PROSER2: variants seen among roughly 807,000 people sequenced by gnomAD.
The protein encoded by PROSER2 is proline and serine-rich protein 2.
A neutral mutation model predicts 14.6 loss-of-function variants in PROSER2; 18 were observed. The ratio of observed to expected loss-of-function variants is 1.23; its 90% confidence interval spans 0.85 to 1.83. The LOEUF (loss-of-function observed/expected upper bound fraction) is 1.83. Ranked by LOEUF, PROSER2 falls within the 40% of genes most tolerant of loss-of-function variation. The probability of loss-of-function intolerance (pLI) is 0.00; values close to 1 mark genes in which losing one functional copy is unlikely to be tolerated. For missense variants in PROSER2, 823 were observed against 629.8 expected (o/e 1.31, Z -3.28); for synonymous variants, 367 against 286.4 (o/e 1.28, Z -2.84).
chr10:11,859,983 C>A (rs74116470), intron 2 of PROSER2, among the ~76,000 whole-genome samples: 1,934 of 152,320 alleles, frequency 0.013, 30 homozygotes, highest in African/African-American at 0.044. Context: ...CCGAGGGCCA[C>A]AAGCCTCTTT....
chr10:11,842,375 GA>G (rs1744106418), intron 1 of PROSER2, among the ~76,000 whole-genome samples: 1 of 150,722 alleles, frequency 6.6e-6, no homozygotes, highest in South Asian at 2.1e-4. Flanking sequence ...CTTTTGGAAT[GA>G]TTTTTTTTTT....
chr10:11,843,290 C>T (rs988725099), intron 1 of PROSER2, among the ~76,000 whole-genome samples: 2 of 151,142 alleles, frequency 1.3e-5, no homozygotes, highest in African/African-American at 4.9e-5. Context: ...CAGTGGCACA[C>T]ACCTGTAATC....
At chr10:11,840,138 A>G (rs1246197091) in intron 1 of PROSER2, among the ~76,000 whole-genome samples, 1 of 151,664 alleles carries the variant, frequency 6.6e-6, no homozygotes, top group Non-Finnish European at 1.5e-5. Flanking sequence ...TTTTTAGTAG[A>G]AATGGGGTTT....
chr10:11,844,425 C>T (rs1475735490), intron 1 of PROSER2, among the ~76,000 whole-genome samples: 1 of 152,194 alleles, frequency 6.6e-6, no homozygotes, highest in Non-Finnish European at 1.5e-5. Context: ...ACCCCTCACG[C>T]CCAACAATTG....
rs1354992323 is a variant in PROSER2, at chr10:11,869,725, A to G, written c.627A>G (p.Glu209=). The change falls in exon 4 of 4, where the codon GAA becomes GAG. Residue 209 remains glutamate, a synonymous_variant. Transcript: ENST00000277570. This position sits in a 1 kb window ranked among gnomAD's most constrained non-coding sequence, Gnocchi z 4.4. The part of the protein sequence containing the change: ...QKISERMAGN[E]ALSPTSPFRE... ...TTTCCGAGAGGATGGCGGGGAACGAAGCCCTCTCGCCCACCTCCCCGTTCA... is the reference window on the plus strand; with the variant it reads ...TTTCCGAGAGGATGGCGGGGAACGAGGCCCTCTCGCCCACCTCCCCGTTCA... 6.3e-7 allele frequency: 1 copy of G among 1,591,720 alleles called. No individual in the cohort carries two copies. Among genetic ancestry groups the G allele is most frequent in the Non-Finnish European group, 8.5e-7 (1 of 1,170,238 alleles).
chr10:11,852,855 C>T (rs920796750), intron 2 of PROSER2, among the ~76,000 whole-genome samples: 6 of 150,484 alleles, frequency 4.0e-5, no homozygotes, highest in African/African-American at 7.3e-5. Context: ...CGTGAGCCAC[C>T]GCGCCCGGCC....
At position 11,862,378 on chromosome 10, in the gene PROSER2, G is replaced by T. The variant is rs78183804; in HGVS notation, c.139-4153G>T. Among the ~76,000 whole-genome samples the T allele has an allele frequency of 1.8e-3, 268 of 152,296 alleles. No homozygotes were observed. Among genetic ancestry groups the T allele is most frequent in the Non-Finnish European group, 3.1e-3 (210 of 68,020 alleles). On this transcript the variant is annotated intron_variant, in intron 2 of 3. Coordinates refer to ENST00000277570, the MANE Select transcript of PROSER2 (RefSeq NM_153256.4). This position sits in a 1 kb window ranked among gnomAD's most constrained non-coding sequence, Gnocchi z 4.2. ...GACTTTAAGAACTCCAACAAAACTG[G>T]AGGACTCTGCCAGATATCAAGACTT...
intron 1 of PROSER2, among the ~76,000 whole-genome samples, chr10:11,829,443 G>GT (rs1273896074): frequency 6.6e-6 from 1 of 151,790 alleles, no homozygotes; most frequent in East Asian, 1.9e-4. Flanking sequence ...AATTAGCCAG[G>GT]TGTGGTAGTG....
At chr10:11,828,658 A>G (rs1833648290) in intron 1 of PROSER2, among the ~76,000 whole-genome samples, 1 of 152,166 alleles carries the variant, frequency 6.6e-6, no homozygotes, top group South Asian at 2.1e-4. Context: ...AGCCGAGATC[A>G]CGCCACTACA....
intron 1 of PROSER2, among the ~76,000 whole-genome samples, chr10:11,847,403 TTTG>T (rs1484223020): frequency 6.6e-6 from 1 of 151,402 alleles, no homozygotes; most frequent in Non-Finnish European, 1.5e-5. Flanking sequence ...CTTATTCTGT[TTTG>T]TTGTTTTGTT....
chr10:11,839,554 C>T (rs554195157), intron 1 of PROSER2, among the ~76,000 whole-genome samples: 3 of 150,300 alleles, frequency 2.0e-5, no homozygotes, highest in Non-Finnish European at 3.0e-5. Flanking sequence ...TGGCTGGGCG[C>T]GGTGGCTCAC....
chr10:11,835,812 T>A (rs1004724899), intron 1 of PROSER2, among the ~76,000 whole-genome samples: 1 of 152,118 alleles, frequency 6.6e-6, no homozygotes, highest in African/African-American at 2.4e-5. Context: ...GCCACTAGCA[T>A]TAGGGCCAAC....
chr10:11,833,448 T>C (rs1833715828), intron 1 of PROSER2, among the ~76,000 whole-genome samples: 1 of 151,766 alleles, frequency 6.6e-6, no homozygotes, highest in Admixed American at 6.6e-5. Context: ...CCCAGCACTT[T>C]GGGAGGCCAA....
intron 3 of PROSER2, among the ~76,000 whole-genome samples, chr10:11,868,683 C>G (rs1352799586): frequency 6.6e-6 from 1 of 152,156 alleles, no homozygotes; most frequent in Admixed American, 6.5e-5. Context: ...CAGAGTCTCA[C>G]TGTGTCACTC....
Position 11,869,639 on chromosome 10 carries a change from C to T in PROSER2, c.541C>T (p.Pro181Ser), listed in dbSNP as rs773276980. The change falls in exon 4 of 4, where the codon CCG becomes TCG. Residue 181 changes from proline to serine, a missense_variant. By Grantham distance (74) the Pro-to-Ser change is moderately conservative. Transcript: ENST00000277570. The surrounding 1 kb of genome is among the most constrained non-coding windows in gnomAD (Gnocchi z 4.4). ...GAGGGAGCTGCGCGCCCCCTCCCCG[C>T]CGGTGGAGCACCCCAGACTCCTGCG... is the stretch of plus-strand genomic sequence containing the variant. ...PRRELRAPSP[P>S]VEHPRLLRSV... 2 of 1,598,712 alleles carry T rather than the reference C, an allele frequency of 1.3e-6. No individual in the cohort carries two copies. The highest frequency in any genetic ancestry group is 2.3e-5 in the East Asian group (1 of 43,922).
rs532770172 is a variant in PROSER2 at position 11,844,423 on chromosome 10, C to T, written c.-81-7574C>T. Among the ~76,000 whole-genome samples the T allele has an allele frequency of 1.6e-4, 24 of 152,338 alleles. No individual in the cohort carries two copies. The South Asian group carries it at 1.7e-3, about 11-fold the overall frequency. On this transcript the variant is annotated intron_variant, in intron 1 of 3. Transcript: ENST00000277570. The stretch of plus-strand genomic sequence containing the variant: ...GTCCTCAACTCACTTCTACCCCTCA[C>T]GCCCAACAATTGTTCTTGACTTGTA...
rs143438941 is a variant in PROSER2 at position 11,864,089 on chromosome 10, G to A, written c.139-2442G>A. Among the ~76,000 whole-genome samples the A allele has an allele frequency of 4.3e-4, 66 of 152,306 alleles. 1 individual carries two copies. Among genetic ancestry groups the A allele is most frequent in the Non-Finnish European group, 7.9e-4 (54 of 68,030 alleles). ...AGCTGCCCTTCCTGACTACCCTGCA[G>A]AGGCTTCCTCAGACAGGCTGACATG... On this transcript the variant is annotated intron_variant, in intron 2 of 3. Transcript: ENST00000277570.
In PROSER2 at chr10:11,870,481, G is replaced by C; in HGVS notation, c.*75G>C. On this transcript the variant is annotated 3_prime_UTR_variant, in exon 4 of 4. Transcript: ENST00000277570. ...GGTGAAAGAGTCGCTGCACCCAGGA[G>C]CTGTTTGGTCTAAAATGGAAGTGAC... 1 of 1,250,874 alleles carries C rather than the reference G, an allele frequency of 8.0e-7. No individual in the cohort carries two copies. Among genetic ancestry groups the C allele is most frequent in the Non-Finnish European group, 1.1e-6 (1 of 947,952 alleles). 77.5% of individuals were successfully genotyped at this position (1,250,874 alleles called of 1,614,324 possible).
At chr10:11,848,863 G>A (rs1833967883) in intron 1 of PROSER2, among the ~76,000 whole-genome samples, 1 of 152,140 alleles carries the variant, frequency 6.6e-6, no homozygotes, top group African/African-American at 2.4e-5. Context: ...AATGCCCATG[G>A]GAGTGGGTGA....
Sources: allele counts gnomAD v4.1 joint callset (sites outside exome capture counted in the v4.1 genomes callset), GRCh38; gene constraint gnomAD v4.1.1; non-coding constraint Gnocchi (gnomAD v3.1); transcripts MANE v1.5; gene names NCBI Gene and HGNC (gene_info 2026-07-23, HGNC 2026-07-21).